Variants in ANK2 observed in about 807,000 individuals in gnomAD.
ANK2 encodes the protein ankyrin-2.
ANK2 carries 83 observed loss-of-function variants against 360.5 expected under a neutral mutation model. The observed-to-expected ratio is 0.23, with a 90% confidence interval of 0.19 to 0.28. The LOEUF is 0.28. Ranked by LOEUF, ANK2 falls within the 10% of genes least tolerant of loss-of-function variation. ANK2 has a pLI of 1.00. For missense variants in ANK2, 4,201 were observed against 4,795.7 expected (o/e 0.88, Z 3.66); for synonymous variants, 1,740 against 1,759.5 (o/e 0.99, Z 0.28).
the ANK2 span, among the ~76,000 whole-genome samples, chr4:112,812,272 C>T: frequency 5.3e-5 from 8 of 152,102 alleles, no homozygotes. Flanking sequence ...AAGTGTGTCA[C>T]TCAATTATAG....
chr4:113,080,269 G>A (rs1016282259), intron 1 of ANK2, among the ~76,000 whole-genome samples: 5 of 152,168 alleles, frequency 3.3e-5, no homozygotes, highest in Non-Finnish European at 7.3e-5. Context: ...GCCCTCTGAT[G>A]TAACTTTAGA....
the ANK2 span, among the ~76,000 whole-genome samples, chr4:112,730,438 C>T: frequency 6.7e-5 from 10 of 149,332 alleles, no homozygotes; most frequent in Non-Finnish European, 1.5e-4. Context: ...GAGTTCAAGA[C>T]CAGCCTGGCC....
Position 113,357,159 on chromosome 4 carries a change from A to C in ANK2, c.8541A>C (p.Ser2847=). The C allele has an allele frequency of 6.2e-7, 1 of 1,614,154 alleles. No homozygotes were observed. Among genetic ancestry groups the C allele is most frequent in the Non-Finnish European group, 8.5e-7 (1 of 1,179,986 alleles). Residue 2847 remains serine (S), a synonymous_variant, in exon 38 of 46, where the codon TCA becomes TCC. Transcript: ENST00000357077. ...GCCCCAGTGAAAGCTTTTCATCTTC[A>C]TCCTCTTTGCCTCATTGTTTGGTAT... ...ADCPSESFSS[S]SSLPHCLVSE...
intron 2 of ANK2, among the ~76,000 whole-genome samples, chr4:112,911,698 G>C (rs1235815886): frequency 1.3e-5 from 2 of 152,084 alleles, no homozygotes; most frequent in Non-Finnish European, 2.9e-5. Context: ...CTAGAGAGAA[G>C]CTAAAGTTGC....
At chr4:113,306,614 C>T (rs2077345691) in intron 23 of ANK2, among the ~76,000 whole-genome samples, 1 of 152,194 alleles carries the variant, frequency 6.6e-6, no homozygotes, top group Admixed American at 6.5e-5. Flanking sequence ...TTTACTAAAT[C>T]TCTATAATGC....
At chr4:113,176,715 G>A (rs1487508648) in intron 2 of ANK2, among the ~76,000 whole-genome samples, 1 of 151,740 alleles carries the variant, frequency 6.6e-6, no homozygotes, top group Non-Finnish European at 1.5e-5. Flanking sequence ...GCGCCATGTT[G>A]GTGTGCTGCA....
At chr4:112,929,132 C>G (rs760566704) in intron 2 of ANK2, among the ~76,000 whole-genome samples, 5 of 152,134 alleles carry the variant, frequency 3.3e-5, no homozygotes, top group Non-Finnish European at 4.4e-5. Flanking sequence ...GGATTACAGG[C>G]GTGAGCCACC....
At chr4:112,814,125 T>G (rs2055480958), upstream of ANK2, among the ~76,000 whole-genome samples, 1 of 152,246 alleles carries the variant, frequency 6.6e-6, no homozygotes, top group African/African-American at 2.4e-5. Flanking sequence ...GCAAGGGAGC[T>G]TGGGAGCTGT....
At chr4:112,937,402 C>G (rs547063264) in intron 2 of ANK2, among the ~76,000 whole-genome samples, 9 of 151,166 alleles carry the variant, frequency 6.0e-5, no homozygotes, top group East Asian at 3.9e-4. Context: ...TCTTGGCTCA[C>G]TGCAACCCTC....
chr4:113,167,217 T>C (rs2097778916), intron 1 of ANK2, among the ~76,000 whole-genome samples: 1 of 152,178 alleles, frequency 6.6e-6, no homozygotes, highest in Admixed American at 6.5e-5. Context: ...TAGGAATAAC[T>C]TATTTTTCAG....
rs190785923 is a variant in ANK2 at position 113,320,776 on chromosome 4, A to T, written c.2900+2156A>T. On this transcript the variant is annotated intron_variant, in intron 26 of 45. Coordinates refer to ENST00000357077, the MANE Select transcript of ANK2 (RefSeq NM_001148.6). ...CAATAGTACAGTTGTTTTATATATA[A>T]ACTGTTAGGAAAAACTTTGCTTAAT... 2.6e-5 allele frequency among the ~76,000 whole-genome samples: 4 copies of T among 152,308 alleles called. No homozygotes were observed. In the East Asian group the frequency reaches 7.7e-4, roughly 29 times the overall value.
rs185345445 is a variant in ANK2 at position 113,141,658 on chromosome 4, C to T, written c.85-32758C>T. Among the ~76,000 whole-genome samples the T allele has an allele frequency of 9.2e-5, 14 of 152,266 alleles. No individual in the cohort carries two copies. The East Asian group carries it at 9.7e-4, about 11-fold the overall frequency. On this transcript the variant is annotated intron_variant, in intron 1 of 45. Coordinates refer to ENST00000357077, the MANE Select transcript of ANK2 (RefSeq NM_001148.6). ...TCACTTCAGGAGTTGTGATCTATCC[C>T]TTTAGGTTAAATTATAGAACTGAGA...
chr4:112,996,734 A>G (rs1299210688), intron 2 of ANK2, among the ~76,000 whole-genome samples: 3 of 152,328 alleles, frequency 2.0e-5, no homozygotes, highest in East Asian at 3.9e-4. Context: ...CCTTTGAGTT[A>G]CAAACAATCC....
At chr4:112,934,733 T>C (rs1440464041) in intron 2 of ANK2, among the ~76,000 whole-genome samples, 1 of 152,224 alleles carries the variant, frequency 6.6e-6, no homozygotes, top group Non-Finnish European at 1.5e-5. Flanking sequence ...AAAATATCCT[T>C]GCTTTCATGT....
chr4:113,123,334 T>C (rs958783657), intron 1 of ANK2, among the ~76,000 whole-genome samples: 1 of 152,092 alleles, frequency 6.6e-6, no homozygotes, highest in Non-Finnish European at 1.5e-5. Flanking sequence ...ATACAGAAAA[T>C]ATTTTATAGA....
chr4:113,353,366 C>T lies in ANK2; in HGVS notation c.4748C>T (p.Ser1583Phe), dbSNP rs774190348. 5 of 1,613,794 alleles carry T rather than the reference C, an allele frequency of 3.1e-6. No individual in the cohort carries two copies. Among genetic ancestry groups the T allele is most frequent in the Non-Finnish European group, 4.2e-6 (5 of 1,179,956 alleles). ...GAAAGCAGTGTGCAGAGCTCTCGGTCTGAGAGAGGATTAGTTGAAGAGGAA... is the reference window on the plus strand; with the variant it reads ...GAAAGCAGTGTGCAGAGCTCTCGGTTTGAGAGAGGATTAGTTGAAGAGGAA... The part of the protein sequence containing the change: ...RDESSVQSSR[S>F]ERGLVEEEWV... Residue 1583 changes from serine (S) to phenylalanine (F), a missense_variant, in exon 38 of 46, where the codon TCT becomes TTT. This residue lies in a region of ANK2 where 1,268 missense variants were observed against 1,650.8 expected (regional missense o/e 0.77). Coordinates refer to ENST00000357077, the MANE Select transcript of ANK2 (RefSeq NM_001148.6).
the ANK2 span, among the ~76,000 whole-genome samples, chr4:112,809,465 G>T: frequency 1.3e-5 from 2 of 150,714 alleles, no homozygotes; most frequent in Admixed American, 1.3e-4. Flanking sequence ...GGAGGCTGAG[G>T]CAGGAGAATG....
intron 2 of ANK2, among the ~76,000 whole-genome samples, chr4:112,965,473 A>G (rs1378823075): frequency 6.6e-6 from 1 of 151,858 alleles, no homozygotes; most frequent in Non-Finnish European, 1.5e-5. Context: ...CACTTTGTTG[A>G]TTGTTTTTAA....
intron 1 of ANK2, among the ~76,000 whole-genome samples, chr4:113,134,023 CTAA>C (rs1231133215): frequency 6.6e-6 from 1 of 152,054 alleles, no homozygotes; most frequent in Non-Finnish European, 1.5e-5. Context: ...AGCAAGGTCC[CTAA>C]TAATAAGATT....
Sources: gnomAD v4.1 joint callset for allele counts (sites outside exome capture counted in the v4.1 genomes callset) on GRCh38, gnomAD v4.1.1 for gene constraint, gnomAD v4.1.1 regional missense constraint, MANE v1.5 for transcripts, NCBI Gene and HGNC (gene_info 2026-07-23, HGNC 2026-07-21) for gene names.